DUSP15: variants seen among roughly 807,000 people sequenced by gnomAD.
DUSP15 encodes the protein dual specificity phosphatase 15.
In DUSP15, 23 loss-of-function variants were observed where a neutral mutation model predicts 26.3. The ratio of observed to expected loss-of-function variants is 0.87; its 90% CI spans 0.63 to 1.24. The LOEUF is 1.24. Among genes scored for constraint, DUSP15 ranks in the 50% most tolerant of loss-of-function variants. The pLI, the probability that DUSP15 is intolerant of heterozygous loss-of-function variation, is 0.00. For missense variants in DUSP15, 364 were observed against 320.6 expected (o/e 1.14, Z -1.03); for synonymous variants, 143 against 135.5 (o/e 1.06, Z -0.39).
At chr20:31,848,427 C>A in exon 10 of DUSP15, 3 of 1,611,434 alleles carry the variant, frequency 1.9e-6, no homozygotes, top group East Asian at 2.2e-5. Context: ...GAAGAGGAAG[C>A]GGCTCGCTTA....
chr20:31,863,243 G>A (rs1236099958), intron 5 of DUSP15, among the ~76,000 whole-genome samples: 3 of 152,184 alleles, frequency 2.0e-5, no homozygotes, highest in Admixed American at 1.3e-4. Flanking sequence ...AAATTTGAAA[G>A]ATGAATAAGG....
rs1297643818 is a variant in DUSP15, at chr20:31,870,215, G to A, written c.21+102C>T. The A allele has an allele frequency of 1.6e-6, 2 of 1,226,228 alleles. No homozygotes were observed. The highest frequency in any genetic ancestry group is 1.6e-5 in the African/African-American group (1 of 63,936). The allele number at this position is 1,226,228 out of a possible 1,614,324, so 76.0% of individuals were successfully genotyped here. On this transcript the variant is annotated intron_variant, in intron 1 of 6. Transcript: ENST00000339738. This position sits in a 1 kb window ranked among gnomAD's most constrained non-coding sequence, Gnocchi z 6.6. ...ACGGAGATGCCGCCGCACGGAGACC[G>A]GCGAGAACAGAAGGTCAGAGGCGGG...
intron 5 of DUSP15, 105 bp downstream of exon 5, chr20:31,863,802 G>A (rs2062710070): frequency 2.6e-6 from 3 of 1,138,584 alleles, no homozygotes; most frequent in East Asian, 2.4e-5. Flanking sequence ...ACAGGCTGGA[G>A]AAGATCCCTC....
downstream of DUSP15, among the ~76,000 whole-genome samples, chr20:31,846,161 CAT>C (rs1568646416): frequency 2.3e-5 from 3 of 129,918 alleles, no homozygotes; most frequent in Non-Finnish European, 4.6e-5. Context: ...CACACACAGA[CAT>C]AAGCACACAC....
intron 2 of DUSP15, among the ~76,000 whole-genome samples, chr20:31,868,970 C>T (rs933691597): frequency 6.6e-6 from 1 of 152,194 alleles, no homozygotes; most frequent in East Asian, 1.9e-4. Flanking sequence ...TCACCGCCCC[C>T]CCAACTTCCA....
intron 5 of DUSP15, among the ~76,000 whole-genome samples, chr20:31,863,408 C>G (rs972167208): frequency 1.3e-5 from 2 of 152,136 alleles, no homozygotes; most frequent in African/African-American, 4.8e-5. Context: ...TGCTGGGCCT[C>G]CAGCAGAGCC....
rs1183028748 is a variant in DUSP15, at chr20:31,861,586, G to A, written c.525C>T (p.Cys175=). 6 of 1,496,248 alleles carry A rather than the reference G, an allele frequency of 4.0e-6. No homozygotes were observed. In the Admixed American group the frequency reaches 1.1e-4, roughly 27 times the overall value. The allele number at this position is 1,496,248 out of a possible 1,614,324, so 92.7% of individuals were successfully genotyped here. Residue 175 remains cysteine (C), a synonymous_variant, in exon 7 of 7, where the codon TGC becomes TGT. Transcript: ENST00000339738. The part of the protein sequence containing the change: ...LRALLPLCKR[C]RQGSATSASS... ...AGGCCGAGGTCGCGGAGCCCTGCCG[G>A]CAGCGCTTGCACAGCGGCAGCAGCG...
rs1479914411 is a variant in DUSP15, at chr20:31,869,558, G to A, written c.55+6C>T. 7 of 1,612,094 alleles carry A rather than the reference G, an allele frequency of 4.3e-6. No homozygotes were observed. Among genetic ancestry groups the A allele is most frequent in the Non-Finnish European group, 5.1e-6 (6 of 1,179,292 alleles). On this transcript the variant is annotated splice_donor_region_variant and intron_variant, in intron 2 of 6. Coordinates refer to ENST00000339738, the MANE Select transcript of DUSP15 (RefSeq NM_080611.5). ...ATGGCCTCGGGACAGAGTGGGCAGT[G>A]CTCACCAATGAAGTTTCCGAGGTAG...
At chr20:31,864,153 T>C in intron 4 of DUSP15, 172 bp from the exon 5 acceptor site, 1 of 1,406,316 alleles carries the variant, frequency 7.1e-7, no homozygotes, top group Non-Finnish European at 9.3e-7. Flanking sequence ...GAGGTGTGTT[T>C]GTGTGAAGCA....
intron 8 of DUSP15, among the ~76,000 whole-genome samples, chr20:31,849,056 C>T (rs1000036719): frequency 6.6e-6 from 1 of 152,084 alleles, no homozygotes; most frequent in Non-Finnish European, 1.5e-5. Context: ...CCCACTTCCA[C>T]GTTCCTATGC....
At position 31,870,008 on chromosome 20, in the gene DUSP15, C is replaced by A; in HGVS notation, c.21+309G>T. The A allele has an allele frequency of 7.5e-7, 1 of 1,332,198 alleles. No individual in the cohort carries two copies. The highest frequency in any genetic ancestry group is 9.6e-7 in the Non-Finnish European group (1 of 1,042,322). 82.5% of individuals were successfully genotyped at this position (1,332,198 alleles called of 1,614,324 possible). On this transcript the variant is annotated intron_variant, in intron 1 of 6. Coordinates refer to ENST00000339738, the MANE Select transcript of DUSP15 (RefSeq NM_080611.5). This position sits in a 1 kb window ranked among gnomAD's most constrained non-coding sequence, Gnocchi z 6.6. ...CCGGAGAGAGCCGAGGAGTCAGCGACAAGGGAGAGGGACACATGCAGACGG... is the reference window on the plus strand; with the variant it reads ...CCGGAGAGAGCCGAGGAGTCAGCGAAAAGGGAGAGGGACACATGCAGACGG...
At position 31,867,156 on chromosome 20, in the gene DUSP15, G is replaced by T; in HGVS notation, c.56-3C>A. 1 of 1,579,976 alleles carries T rather than the reference G, an allele frequency of 6.3e-7. No homozygotes were observed. Among genetic ancestry groups the T allele is most frequent in the Non-Finnish European group, 8.6e-7 (1 of 1,161,836 alleles). On this transcript the variant is annotated splice_region_variant and splice_polypyrimidine_tract_variant and intron_variant, in intron 2 of 6. Transcript: ENST00000339738. ...CAGCTGATCCAGGTCTTTGGCATCT[G>T]AAAGAAACAGGATGCTTGAGCCAAT...
At chr20:31,863,862 G>GC (rs771141939) in intron 5 of DUSP15, 45 bp downstream of exon 5, 13 of 1,578,796 alleles carry the variant, frequency 8.2e-6, no homozygotes, top group Non-Finnish European at 1.1e-5. Context: ...AGAGGGCACA[G>GC]CCACTTCCTT....
intron 3 of DUSP15, among the ~76,000 whole-genome samples, chr20:31,865,383 A>G (rs1296512992): frequency 1.3e-5 from 2 of 152,252 alleles, no homozygotes; most frequent in African/African-American, 4.8e-5. Flanking sequence ...TATCTTGAAA[A>G]GAAACAAAAA....
chr20:31,862,318 G>A (rs572383512), intron 6 of DUSP15, among the ~76,000 whole-genome samples: 5 of 152,278 alleles, frequency 3.3e-5, no homozygotes, highest in South Asian at 2.1e-4. Context: ...AGTGGGGAGG[G>A]CTGGAAGACC....
upstream of DUSP15, chr20:31,870,561 G>T (rs2062903485): frequency 6.9e-7 from 1 of 1,459,718 alleles, no homozygotes; most frequent in Non-Finnish European, 9.0e-7. This position sits in a 1 kb window ranked among gnomAD's most constrained non-coding sequence, Gnocchi z 6.6. Context: ...CGCCGCCGCC[G>T]CAGGCTCCTC....
chr20:31,861,661 C>A lies in DUSP15; in HGVS notation c.450G>T (p.Leu150=). 6.9e-7 allele frequency: 1 copy of A among 1,451,860 alleles called. No individual in the cohort carries two copies. The highest frequency in any genetic ancestry group is 1.3e-5 in the South Asian group (1 of 77,716). The allele number at this position is 1,451,860 out of a possible 1,614,324, so 89.9% of individuals were successfully genotyped here. A position where few individuals can be genotyped will look rare whatever the true frequency, so the allele number is the denominator to read the frequency against. The change falls in exon 7 of 7, where the codon CTG becomes CTT. Residue 150 remains leucine, a synonymous_variant. Transcript: ENST00000339738. ...WASSQKLRRQ[L]EERFGESPFR... ...AGGGGCTCTCGCCGAAGCGCTCCTC[C>A]AGCTGCCGGCGAAGCTGGGGTGGGC...
At chr20:31,848,065 G>A (rs2062396516) in exon 10 of DUSP15, 1 of 247,840 alleles carries the variant, frequency 4.0e-6, no homozygotes, top group East Asian at 9.3e-5. Context: ...TTAAGCAAAC[G>A]TTTTAATGGA....
chr20:31,863,665 G>T, intron 5 of DUSP15: 1 of 493,314 alleles, frequency 2.0e-6, no homozygotes, highest in Non-Finnish European at 3.7e-6. Context: ...TTTCTTTTCC[G>T]CATTTTACAG....
Sources: gnomAD v4.1 joint callset for allele counts (sites outside exome capture counted in the v4.1 genomes callset) on GRCh38, gnomAD v4.1.1 for gene constraint, Gnocchi (gnomAD v3.1) non-coding constraint, MANE v1.5 for transcripts, NCBI Gene and HGNC (gene_info 2026-07-23, HGNC 2026-07-21) for gene names.